The following COL22A1 variants were observed in gnomAD, a reference collection of about 807,000 sequenced individuals.
COL22A1 encodes collagen alpha-1(XXII) chain.
In COL22A1, 221 loss-of-function variants were observed where a neutral mutation model predicts 248.9. That is an observed-to-expected ratio of 0.89 (90% confidence interval 0.80 to 0.99). The LOEUF is 0.99. Among genes scored for constraint, COL22A1 ranks in the 50% least tolerant of loss-of-function variants. The pLI is 0.00. For synonymous variants in COL22A1, 891 were observed against 793.4 expected (o/e 1.12, Z -2.07); for missense variants, 2,240 against 2,179.0 (o/e 1.03, Z -0.56).
chr8:138,866,629 G>A (rs1410121116), intron 3 of COL22A1, among the ~76,000 whole-genome samples: 1 of 152,214 alleles, frequency 6.6e-6, no homozygotes, highest in Admixed American at 6.5e-5. Flanking sequence ...CCTATATGCT[G>A]CAGTCTCCAC....
intron 32 of COL22A1, among the ~76,000 whole-genome samples, chr8:138,696,820 G>A (rs557485497): frequency 5.3e-5 from 8 of 152,332 alleles, no homozygotes; most frequent in African/African-American, 1.9e-4. Context: ...AGCTCAGAAG[G>A]AGACATGTCT....
intron 3 of COL22A1, among the ~76,000 whole-genome samples, chr8:138,874,205 A>T (rs1480323785): frequency 6.6e-6 from 1 of 152,238 alleles, no homozygotes; most frequent in African/African-American, 2.4e-5. Flanking sequence ...TATTTACAAA[A>T]ACTGATTCCC....
At chr8:138,639,171 T>A (rs943830879) in intron 47 of COL22A1, among the ~76,000 whole-genome samples, 1 of 152,222 alleles carries the variant, frequency 6.6e-6, no homozygotes, top group Non-Finnish European at 1.5e-5. Flanking sequence ...GAGGTAGGGC[T>A]TATTATCAGA....
chr8:138,889,303 G>T (rs1010448460), intron 1 of COL22A1, among the ~76,000 whole-genome samples: 2 of 152,102 alleles, frequency 1.3e-5, no homozygotes, highest in Non-Finnish European at 2.9e-5. Flanking sequence ...CCAAAGACTT[G>T]GAACCAACCC....
chr8:138,591,058 G>A (rs183508222), intron 64 of COL22A1, among the ~76,000 whole-genome samples: 46 of 152,286 alleles, frequency 3.0e-4, no homozygotes, highest in African/African-American at 1.0e-3. Flanking sequence ...TTTTTAATGC[G>A]AGAGTCCTTA....
intron 4 of COL22A1, among the ~76,000 whole-genome samples, chr8:138,842,498 A>G (rs903418015): frequency 1.3e-5 from 2 of 152,166 alleles, no homozygotes; most frequent in Non-Finnish European, 2.9e-5. Context: ...CTCAGGGAAA[A>G]GTTGCGCAGA....
At position 138,694,492 on chromosome 8, in the gene COL22A1, G is replaced by A. The variant is rs779827497; in HGVS notation, c.2700+16C>T. On this transcript the variant is annotated intron_variant, in intron 34 of 64. Transcript: ENST00000303045. ...CCAAGTCTCTGAGCCAGCAGGGGAA[G>A]GGATGGTTTTCTTACCGGTGGTCCA... The A allele has an allele frequency of 1.9e-5, 30 of 1,613,124 alleles. No homozygotes were observed. The highest frequency in any genetic ancestry group is 2.5e-5 in the Non-Finnish European group (30 of 1,179,216).
In COL22A1 at chr8:138,596,851, A is replaced by T. The variant is rs965406858; in HGVS notation, c.4432+53T>A. The T allele has an allele frequency of 7.8e-6, 12 of 1,536,306 alleles. No homozygotes were observed. The South Asian group carries it at 1.3e-4, about 16-fold the overall frequency. On this transcript the variant is annotated intron_variant, in intron 62 of 64. Coordinates refer to ENST00000303045, the MANE Select transcript of COL22A1 (RefSeq NM_152888.3). ...AAAAGCATTCAAGGCTGAGTGAGAG[A>T]ACTGCTTCCTGGGCTCTTCTCTGCA...
Position 138,877,951 on chromosome 8 carries a change from G to A in COL22A1, c.457C>T (p.Arg153Cys), listed in dbSNP as rs1467828422. ...GCGTCCAGCACCAGGTCCTGGCTGC[G>A]GCCGTCGGTGAGCAGGATGGCCACC... ...KQVAILLTDGRSQDLVLDAAA... is the reference protein window; with the variant it reads ...KQVAILLTDGCSQDLVLDAAA... The change falls in exon 3 of 65, where the codon CGC becomes TGC. Residue 153 changes from arginine to cysteine, a missense_variant. Coordinates refer to ENST00000303045, the MANE Select transcript of COL22A1 (RefSeq NM_152888.3). 4.4e-6 allele frequency: 7 copies of A among 1,596,582 alleles called. No individual in the cohort carries two copies. The Admixed American group carries it at 5.2e-5, about 12-fold the overall frequency.
At chr8:138,692,937 G>A (rs1264342300) in intron 35 of COL22A1, among the ~76,000 whole-genome samples, 1 of 152,146 alleles carries the variant, frequency 6.6e-6, no homozygotes, top group Admixed American at 6.5e-5. Context: ...CCTCTACCTG[G>A]TACAGGGCAC....
At chr8:138,589,875 G>T (rs1816889507) in intron 64 of COL22A1, among the ~76,000 whole-genome samples, 1 of 152,092 alleles carries the variant, frequency 6.6e-6, no homozygotes. Context: ...GAGACACCTG[G>T]TGACATTCCA....
chr8:138,858,324 C>T (rs1411419316), intron 3 of COL22A1, among the ~76,000 whole-genome samples: 3 of 152,114 alleles, frequency 2.0e-5, no homozygotes, highest in Non-Finnish European at 2.9e-5. Flanking sequence ...ACACAGAGCA[C>T]GGTCCTACTG....
intron 23 of COL22A1, among the ~76,000 whole-genome samples, chr8:138,725,722 T>C (rs1023599549): frequency 1.3e-5 from 2 of 152,012 alleles, no homozygotes; most frequent in Admixed American, 6.6e-5. Context: ...GAACATTTAA[T>C]GTAAATACAT....
chr8:138,845,174 C>A (rs754415178), intron 3 of COL22A1, among the ~76,000 whole-genome samples: 9 of 151,922 alleles, frequency 5.9e-5, no homozygotes, highest in Non-Finnish European at 1.0e-4. Context: ...AATTATTATA[C>A]AATATTACAT....
chr8:138,789,134 G>C (rs985296588), intron 12 of COL22A1, among the ~76,000 whole-genome samples: 1 of 152,228 alleles, frequency 6.6e-6, no homozygotes. Flanking sequence ...GTGTCAGACG[G>C]AGCTAGAGGA....
At chr8:138,593,866 A>G in intron 63 of COL22A1, 151 bp downstream of exon 63, 1 of 541,694 alleles carries the variant, frequency 1.8e-6, no homozygotes, top group Non-Finnish European at 3.1e-6. Context: ...TATGCATATG[A>G]TAAAATTATA....
At chr8:138,775,471 G>A (rs1380745415) in intron 16 of COL22A1, among the ~76,000 whole-genome samples, 3 of 152,200 alleles carry the variant, frequency 2.0e-5, no homozygotes, top group Admixed American at 6.5e-5. Context: ...TTAAGAGCCC[G>A]AGTGTGGGCC....
chr8:138,823,322 C>T (rs1337882644), intron 6 of COL22A1, among the ~76,000 whole-genome samples: 1 of 152,222 alleles, frequency 6.6e-6, no homozygotes, highest in African/African-American at 2.4e-5. Context: ...AGCAAGTTCA[C>T]AGGCATCACA....
chr8:138,786,131 A>G (rs1206104862), intron 12 of COL22A1, among the ~76,000 whole-genome samples: 1 of 152,156 alleles, frequency 6.6e-6, no homozygotes, highest in Non-Finnish European at 1.5e-5. Flanking sequence ...TCGTCAACCT[A>G]ACTTCAGAAT....
Sources: gnomAD v4.1 joint callset for allele counts (sites outside exome capture counted in the v4.1 genomes callset) on GRCh38, gnomAD v4.1.1 for gene constraint, MANE v1.5 for transcripts, NCBI Gene and HGNC (gene_info 2026-07-23, HGNC 2026-07-21) for gene names.